The following INTS3 variants were observed in gnomAD, a reference collection of about 807,000 sequenced individuals.
INTS3 encodes the protein SOSS complex subunit A.
In INTS3, 34 loss-of-function variants were observed where a neutral mutation model predicts 146.3. The observed-to-expected ratio is 0.23, with a 90% CI of 0.18 to 0.31. The LOEUF (loss-of-function observed/expected upper bound fraction) is 0.31, where lower values mean the gene tolerates loss of function less well. INTS3 is among the 10% of genes least tolerant of loss of function. The pLI, the probability that INTS3 is intolerant of heterozygous loss-of-function variation, is 1.00. For synonymous variants in INTS3, 475 were observed against 494.9 expected, an observed-to-expected ratio of 0.96 and a Z score of 0.53; for missense variants, 757 against 1,304.2, an observed-to-expected ratio of 0.58 and a Z score of 6.46.
At chr1:153,753,056 C>T (rs1156595250) in intron 8 of INTS3, among the ~76,000 whole-genome samples, 2 of 151,964 alleles carry the variant, frequency 1.3e-5, no homozygotes, top group Non-Finnish European at 2.9e-5. Context: ...CACACACACA[C>T]ACACACACAC....
At position 153,754,753 on chromosome 1, in the gene INTS3, T is replaced by C. The variant is rs1377573883; in HGVS notation, c.957+14T>C. ...ATGACATCCCGGGTAAGCTAAGGTG[T>C]TGCAGCAAGAGAAGAGGTCACACGC... On this transcript the variant is annotated intron_variant, in intron 9 of 29. Transcript: ENST00000318967. 2 of 1,552,850 alleles carry C rather than the reference T, an allele frequency of 1.3e-6. No individual in the cohort carries two copies. Among genetic ancestry groups the C allele is most frequent in the Non-Finnish European group, 1.8e-6 (2 of 1,124,210 alleles).
intron 5 of INTS3, 92 bp downstream of exon 5, chr1:153,747,455 G>C: frequency 1.1e-6 from 1 of 942,326 alleles, no homozygotes; most frequent in Non-Finnish European, 1.7e-6. Context: ...CAAAGGGATG[G>C]AATTCTTGGA....
chr1:153,747,309 A>C lies in INTS3; in HGVS notation c.463A>C (p.Ser155Arg). 6.2e-7 allele frequency: 1 copy of C among 1,614,028 alleles called. No individual in the cohort carries two copies. ...LVWLVRELVK[S>R]GVLGADGVCM... ...GTGGTTGGTACGGGAACTGGTGAAG[A>C]GTGGGGTTCTGGGAGCCGATGGTGT... Residue 155 changes from serine (S) to arginine (R), a missense_variant, in exon 5 of 30, where the codon AGT becomes CGT. Transcript: ENST00000318967.
In INTS3 at chr1:153,729,390, C is replaced by G. The variant is rs112906677; in HGVS notation, c.150+606C>G. Among the ~76,000 whole-genome samples, 608 of 152,260 alleles carry G rather than the reference C, an allele frequency of 4.0e-3. 8 individuals are homozygous for G. Among genetic ancestry groups the G allele is most frequent in the African/African-American group, 0.014 (586 of 41,552 alleles). ...CCTTCAGAACCAGATAGCACACACA[C>G]AGGAGAGAACACATCGCTTCTGAAA... On this transcript the variant is annotated intron_variant, in intron 1 of 29. Coordinates refer to ENST00000318967, the MANE Select transcript of INTS3 (RefSeq NM_023015.5).
chr1:153,754,204 C>T (rs1329108342), intron 8 of INTS3, among the ~76,000 whole-genome samples: 1 of 152,128 alleles, frequency 6.6e-6, no homozygotes, highest in African/African-American at 2.4e-5. Flanking sequence ...AACCAATAAT[C>T]ATGCTTATGA....
At chr1:153,734,026 C>A (rs188500777) in intron 1 of INTS3, among the ~76,000 whole-genome samples, 1 of 151,968 alleles carries the variant, frequency 6.6e-6, no homozygotes, top group African/African-American at 2.4e-5. Context: ...GAAAGGCCTT[C>A]CCCCCCTTTC....
chr1:153,747,486 T>A, intron 5 of INTS3, 123 bp downstream of exon 5: 1 of 748,990 alleles, frequency 1.3e-6, no homozygotes, highest in Non-Finnish European at 2.4e-6. Flanking sequence ...TGTTTCCTTC[T>A]GATACAGACA....
chr1:153,760,558 G>A, intron 12 of INTS3, 168 bp downstream of exon 12: 1 of 636,654 alleles, frequency 1.6e-6, no homozygotes, highest in South Asian at 1.9e-5. Flanking sequence ...ATATTCCACT[G>A]TCTGCACTTG....
In INTS3 at chr1:153,773,068, C is replaced by G; in HGVS notation, c.3038C>G (p.Ser1013Cys). The G allele has an allele frequency of 6.2e-7, 1 of 1,614,130 alleles. No individual in the cohort carries two copies. Among genetic ancestry groups the G allele is most frequent in the Non-Finnish European group, 8.5e-7 (1 of 1,180,020 alleles). Residue 1013 changes from serine (S) to cysteine (C), a missense_variant, in exon 29 of 30, where the codon TCC (serine) becomes TGC (cysteine). Physicochemically the swap from Ser to Cys is moderately radical, Grantham distance 112. Around this residue, in one of 8 missense-constraint regions of INTS3, gnomAD observed 125 missense variants for 165.6 expected, o/e 0.75. Transcript: ENST00000318967. ...QPPNAEEESG[S>C]SSASEEEDTK... Reference sequence around the variant, plus strand: ...CCCAATGCCGAAGAAGAGTCGGGCTCCAGCAGTGCTTCAGTGAGAACCCAG... The same window carrying G: ...CCCAATGCCGAAGAAGAGTCGGGCTGCAGCAGTGCTTCAGTGAGAACCCAG...
At chr1:153,763,083 C>T in intron 15 of INTS3, 150 bp from the exon 16 acceptor site, 1 of 1,110,786 alleles carries the variant, frequency 9.0e-7, no homozygotes, top group Non-Finnish European at 1.3e-6. Flanking sequence ...TACATGTGCA[C>T]AGTCAGGGAG....
At chr1:153,773,108 G>A in intron 29 of INTS3, 27 bp downstream of exon 29, 1 of 1,614,106 alleles carries the variant, frequency 6.2e-7, no homozygotes, top group South Asian at 1.1e-5. Flanking sequence ...TGCACAGGGG[G>A]AAAAGGAGCA....
chr1:153,753,135 G>C (rs1316176978), intron 8 of INTS3, among the ~76,000 whole-genome samples: 2 of 152,068 alleles, frequency 1.3e-5, no homozygotes, highest in Non-Finnish European at 2.9e-5. Context: ...GGAAATTGTA[G>C]TACTCTTATA....
intron 23 of INTS3, 141 bp from the exon 24 acceptor site, chr1:153,770,057 G>C: frequency 2.2e-6 from 1 of 451,904 alleles, no homozygotes; most frequent in South Asian, 1.9e-5. Flanking sequence ...CAGTGGATTG[G>C]GGTGTGTGTG....
At position 153,767,701 on chromosome 1, in the gene INTS3, G is replaced by A; in HGVS notation, c.2118G>A (p.Leu706=). The change falls in exon 21 of 30, where the codon CTG becomes CTA. Residue 706 remains leucine (L), a synonymous_variant. Coordinates refer to ENST00000318967, the MANE Select transcript of INTS3 (RefSeq NM_023015.5). The part of the protein sequence containing the change: ...ASKAAAGKMN[L]YESFAQATQL... ...AAGCCGCCGCAGGGAAGATGAACCT[G>A]TACGAGTCATTTGCCCAGGCTACCC... is the stretch of plus-strand genomic sequence containing the variant. 1 of 1,609,904 alleles carries A rather than the reference G, an allele frequency of 6.2e-7. No homozygotes were observed. The highest frequency in any genetic ancestry group is 8.5e-7 in the Non-Finnish European group (1 of 1,177,470).
rs1671644898 is a variant in INTS3 at position 153,744,192 on chromosome 1, G to C, written c.319-2765G>C. ...CGGTTCTCATTTGTTACCAGCAGTT[G>C]TGGTTAGTAAAGATCCCAGATGGAA... On this transcript the variant is annotated intron_variant, in intron 3 of 29. Transcript: ENST00000318967. Among the ~76,000 whole-genome samples the C allele has an allele frequency of 3.3e-5, 5 of 152,212 alleles. No homozygotes were observed. The South Asian group carries it at 1.0e-3, about 32-fold the overall frequency.
At chr1:153,767,324 G>C in intron 20 of INTS3, 1 of 226,554 alleles carries the variant, frequency 4.4e-6, no homozygotes, top group East Asian at 8.9e-5. Flanking sequence ...TATGCTGTGA[G>C]GTGTCACTGC....
At position 153,751,017 on chromosome 1, in the gene INTS3, C is replaced by T. The variant is rs139698651; in HGVS notation, c.585-78C>T. On this transcript the variant is annotated intron_variant, in intron 6 of 29. Coordinates refer to ENST00000318967, the MANE Select transcript of INTS3 (RefSeq NM_023015.5). ...ATCAATTATTTCTGAGGCACTGTAG[C>T]CAAGCCCAAGAAGCGTGAATTGGGA... 694 of 1,464,980 alleles carry T rather than the reference C, an allele frequency of 4.7e-4. 1 individual carries two copies. In the African/African-American group the frequency reaches 8.5e-3, roughly 18 times the overall value. 90.7% of individuals were successfully genotyped at this position (1,464,980 alleles called of 1,614,324 possible).
Position 153,772,814 on chromosome 1 carries a change from G to A in INTS3, c.2894+103G>A. The stretch of plus-strand genomic sequence containing the variant: ...AACGTAATGGCCAGCAAGACCTTAG[G>A]GTCCAGGGTTGAAGAAAAAGAAGGC... On this transcript the variant is annotated intron_variant, in intron 28 of 29. Transcript: ENST00000318967. The surrounding 1 kb of genome is among the most constrained non-coding windows in gnomAD (Gnocchi z 4.6). 6.3e-7 allele frequency: 1 copy of A among 1,579,574 alleles called. No individual in the cohort carries two copies. The highest frequency in any genetic ancestry group is 8.6e-7 in the Non-Finnish European group (1 of 1,160,168).
Position 153,771,895 on chromosome 1 carries a change from C to G in INTS3, c.2652C>G (p.Asp884Glu), listed in dbSNP as rs111757548. ...TGCGGCACTGGTGCATGAAACATGA[C>G]GAGCTGCTGGCCGAGCACATCAAGT... ...SILRHWCMKH[D>E]ELLAEHIKSL... Residue 884 changes from aspartate to glutamate, a missense_variant, in exon 26 of 30, where the codon GAC becomes GAG. By Grantham distance (45) the Asp-to-Glu change is conservative. Coordinates refer to ENST00000318967, the MANE Select transcript of INTS3 (RefSeq NM_023015.5). 1 of 1,614,132 alleles carries G rather than the reference C, an allele frequency of 6.2e-7. No homozygotes were observed. The highest frequency in any genetic ancestry group is 1.7e-5 in the Admixed American group (1 of 60,024).
Sources: allele counts gnomAD v4.1 joint callset (sites outside exome capture counted in the v4.1 genomes callset), GRCh38; gene constraint gnomAD v4.1.1; regional missense constraint gnomAD v4.1.1; non-coding constraint Gnocchi (gnomAD v3.1); transcripts MANE v1.5; gene names NCBI Gene and HGNC (gene_info 2026-07-23, HGNC 2026-07-21).